The following CSMD1 variants were observed in gnomAD, a reference collection of about 807,000 sequenced individuals.
CSMD1 encodes CUB and Sushi multiple domains 1.
A neutral mutation model predicts 417.5 loss-of-function variants in CSMD1; 213 were observed. The ratio of observed to expected loss-of-function variants is 0.51; its 90% confidence interval spans 0.46 to 0.57. CSMD1 has a LOEUF of 0.57. CSMD1 is among the 20% of genes least tolerant of loss of function. CSMD1 has a pLI of 0.00. For synonymous variants in CSMD1, 2,862 were observed against 1,736.8 expected (o/e 1.65, Z -16.11); for missense variants, 6,923 against 4,529.7 (o/e 1.53, Z -15.17).
intron 2 of CSMD1, among the ~76,000 whole-genome samples, chr8:4,630,481 C>A (rs1280690694): frequency 6.6e-6 from 1 of 151,034 alleles, no homozygotes; most frequent in Admixed American, 6.6e-5. Flanking sequence ...AAACGAAAAA[C>A]AAACAAAAAA....
At position 3,045,694 on chromosome 8, in the gene CSMD1, G is replaced by C. The variant is rs187492762; in HGVS notation, c.7660+6768C>G. Among the ~76,000 whole-genome samples, 8 of 152,272 alleles carry C rather than the reference G, an allele frequency of 5.3e-5. No homozygotes were observed. The East Asian group carries it at 5.8e-4, about 11-fold the overall frequency. On this transcript the variant is annotated intron_variant, in intron 50 of 69. Transcript: ENST00000635120. ...TGCATCAGATTTAAAAATCATGAGA[G>C]CTAGTAAGTTCCTAGAAGCAATATA...
chr8:4,837,218 T>C (rs925734997), intron 1 of CSMD1, among the ~76,000 whole-genome samples: 7 of 152,150 alleles, frequency 4.6e-5, no homozygotes, highest in African/African-American at 1.2e-4. Context: ...TTGGGAAGAA[T>C]GTAAAGCTAT....
At chr8:3,389,548 T>G (rs1326372146) in intron 17 of CSMD1, among the ~76,000 whole-genome samples, 1 of 152,116 alleles carries the variant, frequency 6.6e-6, no homozygotes, top group Non-Finnish European at 1.5e-5. Flanking sequence ...TTCAAAAAGG[T>G]TTCTGTGGTC....
chr8:2,948,447 TA>T (rs2128917608), intron 68 of CSMD1, among the ~76,000 whole-genome samples: 1 of 152,252 alleles, frequency 6.6e-6, no homozygotes, highest in Non-Finnish European at 1.5e-5. Flanking sequence ...CAGAAAGCTA[TA>T]AAGAAGGAAG....
intron 49 of CSMD1, among the ~76,000 whole-genome samples, chr8:3,066,816 T>A (rs1812965534): frequency 1.3e-5 from 2 of 152,098 alleles, no homozygotes; most frequent in Admixed American, 1.3e-4. Context: ...TAAGCTCATT[T>A]CTCCACAATT....
chr8:4,280,571 G>A (rs1270739073), intron 3 of CSMD1, among the ~76,000 whole-genome samples: 1 of 152,186 alleles, frequency 6.6e-6, no homozygotes, highest in Admixed American at 6.5e-5. Context: ...ACTTGAGACT[G>A]CAGCTATGCT....
intron 10 of CSMD1, among the ~76,000 whole-genome samples, chr8:3,547,908 A>G (rs541210067): frequency 1.8e-4 from 27 of 152,236 alleles, no homozygotes; most frequent in Non-Finnish European, 3.5e-4. Flanking sequence ...TAAAATTACT[A>G]CATGCACCAT....
At chr8:3,853,849 C>T (rs974648687) in intron 5 of CSMD1, among the ~76,000 whole-genome samples, 1 of 142,798 alleles carries the variant, frequency 7.0e-6, no homozygotes, top group Admixed American at 7.0e-5. Context: ...TGCACATGTA[C>T]CCTAAAACTT....
intron 6 of CSMD1, among the ~76,000 whole-genome samples, chr8:3,730,888 T>C (rs983375537): frequency 6.6e-6 from 1 of 152,188 alleles, no homozygotes; most frequent in African/African-American, 2.4e-5. Flanking sequence ...TTAGCCACTA[T>C]AATACGTAGA....
intron 1 of CSMD1, among the ~76,000 whole-genome samples, chr8:4,768,872 C>T (rs1380160623): frequency 4.6e-5 from 7 of 152,184 alleles, no homozygotes; most frequent in African/African-American, 1.7e-4. Flanking sequence ...ATGACTTCCA[C>T]TTCTCCCCTT....
At chr8:4,562,101 T>G (rs183734032) in intron 2 of CSMD1, among the ~76,000 whole-genome samples, 1 of 152,076 alleles carries the variant, frequency 6.6e-6, no homozygotes, top group Non-Finnish European at 1.5e-5. Context: ...TGTTCCCTGA[T>G]AGAGGAGGGA....
At position 4,037,665 on chromosome 8, in the gene CSMD1, A is replaced by G. The variant is rs186947957; in HGVS notation, c.416-5566T>C. Reference sequence around the variant, plus strand: ...TATCTACTGAAAATGTTTTCCCATCAGTATTGATTTTAAAGGGGAAGGTGT... The same window carrying G: ...TATCTACTGAAAATGTTTTCCCATCGGTATTGATTTTAAAGGGGAAGGTGT... On this transcript the variant is annotated intron_variant, in intron 3 of 69. Transcript: ENST00000635120. Among the ~76,000 whole-genome samples the G allele has an allele frequency of 1.1e-3, 173 of 152,196 alleles. 1 individual carries two copies. Among genetic ancestry groups the G allele is most frequent in the African/African-American group, 4.1e-3 (171 of 41,506 alleles).
At chr8:4,671,725 TTGTG>T (rs143507624) in intron 1 of CSMD1, among the ~76,000 whole-genome samples, 211 of 151,604 alleles carry the variant, frequency 1.4e-3, no homozygotes, top group Non-Finnish European at 2.5e-3. Context: ...AAAGTATTGC[TTGTG>T]TGTGTGTGTG....
intron 3 of CSMD1, among the ~76,000 whole-genome samples, chr8:4,331,895 T>C (rs1585248725): frequency 6.6e-6 from 1 of 152,132 alleles, no homozygotes; most frequent in African/African-American, 2.4e-5. Context: ...AGAGTTTAAC[T>C]ATGGAAAAGC....
In CSMD1 at chr8:4,103,714, G is replaced by A. The variant is rs543523287; in HGVS notation, c.416-71615C>T. Among the ~76,000 whole-genome samples the A allele has an allele frequency of 1.3e-4, 20 of 152,208 alleles. No individual in the cohort carries two copies. The South Asian group carries it at 4.1e-3, about 32-fold the overall frequency. ...AGTGAATGCTTAAAACCCATGATAAGAGTTCCTTTATCCAAGACTTGATAG... is the reference window on the plus strand; with the variant it reads ...AGTGAATGCTTAAAACCCATGATAAAAGTTCCTTTATCCAAGACTTGATAG... On this transcript the variant is annotated intron_variant, in intron 3 of 69. Coordinates refer to ENST00000635120, the MANE Select transcript of CSMD1 (RefSeq NM_033225.6).
At position 3,185,917 on chromosome 8, in the gene CSMD1, C is replaced by T. The variant is rs575102223; in HGVS notation, c.5620+1952G>A. Among the ~76,000 whole-genome samples the T allele has an allele frequency of 1.3e-4, 20 of 152,246 alleles. 1 individual carries two copies. The East Asian group carries it at 3.3e-3, about 25-fold the overall frequency. On this transcript the variant is annotated intron_variant, in intron 36 of 69. Coordinates refer to ENST00000635120, the MANE Select transcript of CSMD1 (RefSeq NM_033225.6). ...AGTGTAGAGAAACAGACACAGACTGCATGGCTCCCGTGACTTGAAGGATTT... is the reference window on the plus strand; with the variant it reads ...AGTGTAGAGAAACAGACACAGACTGTATGGCTCCCGTGACTTGAAGGATTT...
chr8:3,493,877 T>C (rs1046565678), intron 10 of CSMD1, among the ~76,000 whole-genome samples, 151 bp from the exon 11 acceptor site: 3 of 152,206 alleles, frequency 2.0e-5, no homozygotes, highest in Non-Finnish European at 4.4e-5. Flanking sequence ...GTTACATGGA[T>C]AATTATATAT....
At chr8:4,633,673 C>T (rs1048247498) in intron 2 of CSMD1, among the ~76,000 whole-genome samples, 5 of 152,186 alleles carry the variant, frequency 3.3e-5, no homozygotes, top group Non-Finnish European at 7.3e-5. Context: ...TCTCCTGCCT[C>T]AGCCTCCCGA....
chr8:4,041,825 C>A (rs569150900), intron 3 of CSMD1, among the ~76,000 whole-genome samples: 1 of 151,960 alleles, frequency 6.6e-6, no homozygotes, highest in Admixed American at 6.5e-5. Flanking sequence ...AAAAACAAAA[C>A]AAACCCAGAT....
Sources: allele counts gnomAD v4.1 joint callset (sites outside exome capture counted in the v4.1 genomes callset), GRCh38; gene constraint gnomAD v4.1.1; transcripts MANE v1.5; gene names NCBI Gene and HGNC (gene_info 2026-07-23, HGNC 2026-07-21).